CLDN16: variants seen among roughly 807,000 people sequenced by gnomAD.
CLDN16 encodes claudin-16.
A neutral mutation model predicts 24.6 loss-of-function variants in CLDN16; 13 were observed. The ratio of observed to expected loss-of-function variants is 0.53; its 90% CI spans 0.34 to 0.84. The LOEUF is 0.84. Among genes scored for constraint, CLDN16 ranks in the 40% least tolerant of loss-of-function variants. The pLI is 0.01. For missense variants in CLDN16, 298 were observed against 292.7 expected (o/e 1.02, Z -0.13); for synonymous variants, 116 against 106.7 (o/e 1.09, Z -0.54).
At chr3:190,389,673 C>A (rs1254439732) in intron 1 of CLDN16, among the ~76,000 whole-genome samples, 2 of 140,844 alleles carry the variant, frequency 1.4e-5, no homozygotes, top group African/African-American at 5.0e-5. Context: ...ATAAGTGAGC[C>A]CAGTGATGCA....
intron 3 of CLDN16, among the ~76,000 whole-genome samples, chr3:190,406,103 T>G (rs1719090418): frequency 6.6e-6 from 1 of 152,192 alleles, no homozygotes; most frequent in Non-Finnish European, 1.5e-5. Context: ...GGCATGAGGC[T>G]AAGGTAGTAA....
At chr3:190,323,890 C>T (rs1045506073) in intron 1 of CLDN16, among the ~76,000 whole-genome samples, 3 of 152,148 alleles carry the variant, frequency 2.0e-5, no homozygotes, top group South Asian at 2.1e-4. Flanking sequence ...GAGATTAACA[C>T]AGTGAATACT....
chr3:190,387,611 A>G (rs9865730), upstream of CLDN16, among the ~76,000 whole-genome samples: 151,222 of 152,314 alleles, frequency 0.99, 75,070 homozygotes, highest in Middle Eastern at 1. Context: ...TCAGAGCAAG[A>G]ATTTCCACCC....
chr3:190,335,264 G>A (rs894588580), intron 1 of CLDN16, among the ~76,000 whole-genome samples: 1 of 151,718 alleles, frequency 6.6e-6, no homozygotes, highest in Non-Finnish European at 1.5e-5. Flanking sequence ...GGCTGGTCTC[G>A]AACTCTTGAC....
intron 1 of CLDN16, among the ~76,000 whole-genome samples, chr3:190,361,564 C>T (rs999092997): frequency 6.6e-6 from 1 of 151,986 alleles, no homozygotes; most frequent in Non-Finnish European, 1.5e-5. Flanking sequence ...GTTTAGGGGT[C>T]ATGCTGCCTC....
At chr3:190,405,674 G>C (rs1354846545) in intron 3 of CLDN16, among the ~76,000 whole-genome samples, 1 of 151,908 alleles carries the variant, frequency 6.6e-6, no homozygotes, top group Admixed American at 6.6e-5. Context: ...CTTGTCCCAC[G>C]TACTAACCCA....
At position 190,410,832 on chromosome 3, in the gene CLDN16, T is replaced by C. The variant is rs1432968420; in HGVS notation, c.*796T>C. The C allele has an allele frequency of 6.6e-6, 1 of 152,230 alleles. No homozygotes were observed. The highest frequency in any genetic ancestry group is 2.4e-5 in the African/African-American group (1 of 41,458). The allele number at this position is 152,230 out of a possible 1,614,324, so 9.4% of individuals were successfully genotyped here. A position where few individuals can be genotyped will look rare whatever the true frequency, so the allele number is the denominator to read the frequency against. On this transcript the variant is annotated 3_prime_UTR_variant, in exon 5 of 5. Transcript: ENST00000264734. Reference sequence around the variant, plus strand: ...TAAACATCCAAATACTATTGTAATATACTATGTTAAAATTCATCAATTCAA... The same window carrying C: ...TAAACATCCAAATACTATTGTAATACACTATGTTAAAATTCATCAATTCAA...
chr3:190,326,649 C>G (rs185388524), intron 1 of CLDN16, among the ~76,000 whole-genome samples: 1 of 152,282 alleles, frequency 6.6e-6, no homozygotes, highest in Admixed American at 6.5e-5. Context: ...GAAAAACAAA[C>G]AAAACCTCAG....
the CLDN16 span, among the ~76,000 whole-genome samples, chr3:190,314,374 A>G: frequency 1.1e-4 from 17 of 152,158 alleles, no homozygotes; most frequent in Non-Finnish European, 2.4e-4. Context: ...CAGGCAATCT[A>G]TGATAAAATT....
At chr3:190,377,810 T>C (rs899618352) in intron 3 of CLDN16, among the ~76,000 whole-genome samples, 4 of 152,040 alleles carry the variant, frequency 2.6e-5, no homozygotes, top group South Asian at 2.1e-4. Context: ...GTAAAGAAGG[T>C]TTGAGTCTTA....
At chr3:190,352,205 G>C (rs1717685665) in intron 1 of CLDN16, among the ~76,000 whole-genome samples, 2 of 151,872 alleles carry the variant, frequency 1.3e-5, no homozygotes, top group Non-Finnish European at 2.9e-5. Context: ...GGGGGATCAG[G>C]ATAGCTTCTT....
intron 1 of CLDN16, among the ~76,000 whole-genome samples, chr3:190,363,350 A>G (rs1246253066): frequency 6.6e-6 from 1 of 151,050 alleles, no homozygotes; most frequent in African/African-American, 2.4e-5. Flanking sequence ...CATTCATTCA[A>G]TCTGTCTTTA....
At chr3:190,408,541 C>T in intron 4 of CLDN16, 36 bp downstream of exon 4, 1 of 1,581,946 alleles carries the variant, frequency 6.3e-7, no homozygotes. Context: ...TTCCTTGCCT[C>T]CACTATCGTT....
At chr3:190,395,174 C>T (rs1718785670) in intron 1 of CLDN16, among the ~76,000 whole-genome samples, 2 of 151,980 alleles carry the variant, frequency 1.3e-5, no homozygotes, top group African/African-American at 2.4e-5. Context: ...AGATATATAA[C>T]GTAGGTCATA....
intron 3 of CLDN16, among the ~76,000 whole-genome samples, chr3:190,376,588 T>C (rs1408055317): frequency 6.6e-6 from 1 of 151,940 alleles, no homozygotes; most frequent in African/African-American, 2.4e-5. Context: ...GGGGTGTACA[T>C]GGTCATGTTG....
At chr3:190,405,221 G>A (rs1227968905) in intron 3 of CLDN16, among the ~76,000 whole-genome samples, 1 of 152,104 alleles carries the variant, frequency 6.6e-6, no homozygotes, top group Admixed American at 6.6e-5. Context: ...CTTGAGGCCA[G>A]GAGTTTGAAA....
chr3:190,392,059 C>CTTTTTTTTT (rs35220103), intron 1 of CLDN16, among the ~76,000 whole-genome samples: 3 of 126,074 alleles, frequency 2.4e-5, no homozygotes, highest in Non-Finnish European at 3.4e-5. Context: ...CCTTTTCAGT[C>CTTTTTTTTT]TTTTTTTTTT....
At chr3:190,385,318 G>C (rs1180656842), upstream of CLDN16, among the ~76,000 whole-genome samples, 1 of 152,148 alleles carries the variant, frequency 6.6e-6, no homozygotes, top group Non-Finnish European at 1.5e-5. Flanking sequence ...ACATTTCTTA[G>C]AAGTGCACTC....
intron 1 of CLDN16, among the ~76,000 whole-genome samples, chr3:190,327,674 G>C (rs931145499): frequency 6.6e-6 from 1 of 152,144 alleles, no homozygotes; most frequent in African/African-American, 2.4e-5. Flanking sequence ...ATATTTATCA[G>C]TTACCTCCTT....
Sources: gnomAD v4.1 joint callset for allele counts (sites outside exome capture counted in the v4.1 genomes callset) on GRCh38, gnomAD v4.1.1 for gene constraint, MANE v1.5 for transcripts, NCBI Gene and HGNC (gene_info 2026-07-23, HGNC 2026-07-21) for gene names.